The following POLR2F variants were observed in gnomAD, a reference collection of about 807,000 sequenced individuals.
POLR2F encodes RNA polymerase II, I and III subunit F.
A neutral mutation model predicts 22.7 loss-of-function variants in POLR2F; 12 were observed. The ratio of observed to expected loss-of-function variants is 0.53; its 90% confidence interval spans 0.34 to 0.86. The LOEUF is 0.86. Ranked by LOEUF, POLR2F falls within the 40% of genes least tolerant of loss-of-function variation. The pLI, the probability that POLR2F is intolerant of heterozygous loss-of-function variation, is 0.02. For synonymous variants in POLR2F, 57 were observed against 66.0 expected (o/e 0.86, Z 0.66); for missense variants, 126 against 171.5 (o/e 0.73, Z 1.48).
intron 1 of POLR2F, among the ~76,000 whole-genome samples, chr22:38,007,913 C>T (rs2084836806): frequency 6.6e-6 from 1 of 152,204 alleles, no homozygotes; most frequent in East Asian, 1.9e-4. Flanking sequence ...CAGAGCTCTG[C>T]CACGGCAGGC....
chr22:37,968,899 A>G lies in POLR2F; in HGVS notation c.*1184A>G, dbSNP rs757848952. Reference sequence around the variant, plus strand: ...TGTCCGCTGCCCTGGAGAAGGGTTAATTCAGGGAGCAGTGGACTTCACACT... The same window carrying G: ...TGTCCGCTGCCCTGGAGAAGGGTTAGTTCAGGGAGCAGTGGACTTCACACT... On this transcript the variant is annotated 3_prime_UTR_variant, in exon 5 of 5. Transcript: ENST00000442738. The G allele has an allele frequency of 3.8e-5, 37 of 985,200 alleles. No homozygotes were observed. Among genetic ancestry groups the G allele is most frequent in the Non-Finnish European group, 4.3e-5 (36 of 829,852 alleles). The allele number at this position is 985,200 out of a possible 1,614,324, so 61.0% of individuals were successfully genotyped here. A position where few individuals can be genotyped will look rare whatever the true frequency, so the allele number is the denominator to read the frequency against.
chr22:37,956,094 G>GGC lies in POLR2F; in HGVS notation c.21-678_21-677insCG, dbSNP rs1931385936. Among the ~76,000 whole-genome samples the GGC allele has an allele frequency of 2.7e-5, 4 of 147,042 alleles. 1 individual carries two copies. The highest frequency in any genetic ancestry group is 1.1e-4 in the African/African-American group (4 of 38,004). ...TGTTTGTTTTTTGTTTTGCGGTGGCGGGGGGGGGTTTTGAGACGGAGTTTC... is the reference window on the plus strand; with the variant it reads ...TGTTTGTTTTTTGTTTTGCGGTGGCGGCGGGGGGGGTTTTGAGACGGAGTTTC... On this transcript the variant is annotated intron_variant, in intron 1 of 4. Coordinates refer to ENST00000442738, the MANE Select transcript of POLR2F (RefSeq NM_021974.5).
At chr22:38,035,535 C>T (rs959692048) in intron 5 of POLR2F, among the ~76,000 whole-genome samples, 1 of 152,190 alleles carries the variant, frequency 6.6e-6, no homozygotes. Context: ...GTCTATCCTG[C>T]TCGTGTCCTC....
At chr22:37,973,429 G>A, downstream of POLR2F, 2 of 1,086,406 alleles carry the variant, frequency 1.8e-6, no homozygotes, top group South Asian at 3.1e-5. Flanking sequence ...CCTGAGGTGG[G>A]CAAGGAACAG....
chr22:38,008,471 G>C (rs1421189764), intron 1 of POLR2F, among the ~76,000 whole-genome samples: 1 of 152,102 alleles, frequency 6.6e-6, no homozygotes, highest in South Asian at 2.1e-4. Context: ...CTTGAACCTG[G>C]GAGGTGGAGG....
chr22:37,972,135 G>A, downstream of POLR2F: 7 of 386,452 alleles, frequency 1.8e-5, no homozygotes, highest in South Asian at 1.4e-4. Flanking sequence ...AGGGGGGAGA[G>A]AGAGAGGAGG....
intron 1 of POLR2F, among the ~76,000 whole-genome samples, chr22:38,007,662 C>G (rs554159153): frequency 6.6e-6 from 1 of 152,202 alleles, no homozygotes; most frequent in Non-Finnish European, 1.5e-5. Flanking sequence ...CAGTTCTTCC[C>G]GAGTCCCCCA....
chr22:38,001,444 C>T (rs1013154363), intron 1 of POLR2F, among the ~76,000 whole-genome samples: 10 of 152,136 alleles, frequency 6.6e-5, no homozygotes, highest in Non-Finnish European at 1.0e-4. Flanking sequence ...GGGGAATTTA[C>T]GAATTTATTC....
At chr22:38,003,267 C>G (rs762078213) in intron 1 of POLR2F, among the ~76,000 whole-genome samples, 2 of 152,066 alleles carry the variant, frequency 1.3e-5, no homozygotes, top group African/African-American at 4.8e-5. Flanking sequence ...TGCTCTGTTG[C>G]CCAGGCTGGA....
chr22:37,993,345 G>T (rs1932756731), intron 1 of POLR2F, among the ~76,000 whole-genome samples: 1 of 152,138 alleles, frequency 6.6e-6, no homozygotes, highest in Non-Finnish European at 1.5e-5. Context: ...CCAGGCCATT[G>T]CCCCAGACCA....
chr22:37,960,696 C>T (rs559241520), intron 3 of POLR2F, among the ~76,000 whole-genome samples: 6 of 151,988 alleles, frequency 3.9e-5, no homozygotes, highest in East Asian at 1.9e-4. Context: ...CCACCGTGCC[C>T]GGCTATTTTT....
chr22:38,024,402 G>A (rs1019805743), intron 1 of POLR2F, among the ~76,000 whole-genome samples: 2 of 152,132 alleles, frequency 1.3e-5, no homozygotes, highest in Admixed American at 6.5e-5. Flanking sequence ...GAATACGTGT[G>A]GTCACATTAT....
At chr22:38,033,882 T>C (rs1296655288) in intron 5 of POLR2F, among the ~76,000 whole-genome samples, 2 of 152,126 alleles carry the variant, frequency 1.3e-5, no homozygotes, top group Non-Finnish European at 2.9e-5. Context: ...ACGAGGGCAC[T>C]GGGCGACTCC....
intron 1 of POLR2F, among the ~76,000 whole-genome samples, chr22:38,010,724 C>A (rs6000975): frequency 7.1e-6 from 1 of 140,382 alleles, no homozygotes; most frequent in South Asian, 2.6e-4. Context: ...TCAAGCAATT[C>A]TCCTGCCTCA....
rs758684515 is a variant in POLR2F at position 37,977,882 on chromosome 22, G to T, written c.293+10712G>T. Reference sequence around the variant, plus strand: ...CAGCACTCACCTGAGGGGTGCTCGGGGTTCCCATCTGACATGGGGGAGCCC... The same window carrying T: ...CAGCACTCACCTGAGGGGTGCTCGGTGTTCCCATCTGACATGGGGGAGCCC... On this transcript the variant is annotated intron_variant, in intron 4 of 4. Transcript: ENST00000405557. 4 of 1,611,722 alleles carry T rather than the reference G, an allele frequency of 2.5e-6. No homozygotes were observed. In the South Asian group the frequency reaches 4.4e-5, roughly 18 times the overall value.
At chr22:37,959,020 A>C (rs111629164) in intron 2 of POLR2F, among the ~76,000 whole-genome samples, 3 of 152,266 alleles carry the variant, frequency 2.0e-5, no homozygotes, top group African/African-American at 7.2e-5. Flanking sequence ...TACAGGACCA[A>C]CATTCTGATA....
chr22:37,976,299 G>T (rs1361589539), intron 4 of POLR2F, among the ~76,000 whole-genome samples: 3 of 152,180 alleles, frequency 2.0e-5, no homozygotes, highest in Non-Finnish European at 4.4e-5. Context: ...GGGCTCAGGT[G>T]ATCCTCCCAC....
In POLR2F at chr22:38,016,605, C is replaced by G. The variant is rs2084917580; in HGVS notation, c.121-9264C>G. Among the ~76,000 whole-genome samples, 1 of 152,190 alleles carries G rather than the reference C, an allele frequency of 6.6e-6. No homozygotes were observed. The highest frequency in any genetic ancestry group is 6.5e-5 in the Admixed American group (1 of 15,280). ...GCGCGCGACGTTGACATTGTTCCCACCATTCTAAGTGCAACAAATCCCTCT... is the reference window on the plus strand; with the variant it reads ...GCGCGCGACGTTGACATTGTTCCCAGCATTCTAAGTGCAACAAATCCCTCT... On this transcript the variant is annotated intron_variant, in intron 1 of 2. Coordinates refer to the POLR2F transcript ENST00000333418. The surrounding 1 kb of genome is among the most constrained non-coding windows in gnomAD (Gnocchi z 4.4).
downstream of POLR2F, among the ~76,000 whole-genome samples, chr22:37,971,705 A>C (rs1187605767): frequency 2.0e-5 from 3 of 152,026 alleles, no homozygotes; most frequent in Non-Finnish European, 4.4e-5. Flanking sequence ...CACAGGGCCT[A>C]TCCACACATC....
Sources: gnomAD v4.1 joint callset for allele counts (sites outside exome capture counted in the v4.1 genomes callset) on GRCh38, gnomAD v4.1.1 for gene constraint, Gnocchi (gnomAD v3.1) non-coding constraint, MANE v1.5 for transcripts, NCBI Gene and HGNC (gene_info 2026-07-23, HGNC 2026-07-21) for gene names.